Variants in IQSEC1 observed in about 807,000 individuals in gnomAD.
The protein encoded by IQSEC1 is IQ motif and Sec7 domain ArfGEF 1.
Under a neutral mutation model 91.0 loss-of-function variants are expected in IQSEC1, and 31 were observed. That is an observed-to-expected ratio of 0.34 (90% CI 0.26 to 0.46). IQSEC1 has a LOEUF of 0.46. IQSEC1 is among the 20% of genes least tolerant of loss of function. The pLI, the probability that IQSEC1 is intolerant of heterozygous loss-of-function variation, is 1.00. For synonymous variants in IQSEC1, 699 were observed against 662.6 expected, an observed-to-expected ratio of 1.05 and a Z score of -0.84; for missense variants, 1,388 against 1,575.6, an observed-to-expected ratio of 0.88 and a Z score of 2.02.
rs376181385 is a variant in IQSEC1 at position 13,020,250 on chromosome 3, TGGGGCA to T, written c.23+52736_23+52741del. ...CACCCAGGAGGTCTATCCCGGGGTC[TGGGGCA>T]GGGGCAGGGGCAGGGGCAGGCAGCC... On this transcript the variant is annotated intron_variant, in intron 1 of 13. Transcript: ENST00000613206. Among the ~76,000 whole-genome samples, 324 of 152,244 alleles carry T rather than the reference TGGGGCA, an allele frequency of 2.1e-3. 2 individuals are homozygous for T. The highest frequency in any genetic ancestry group is 7.1e-3 in the African/African-American group (294 of 41,552).
chr3:12,937,706 C>A (rs1224784656), intron 2 of IQSEC1, among the ~76,000 whole-genome samples: 1 of 152,200 alleles, frequency 6.6e-6, no homozygotes, highest in Non-Finnish European at 1.5e-5. Flanking sequence ...ACATGCCAAG[C>A]ACGGGGGCAG....
intron 1 of IQSEC1, among the ~76,000 whole-genome samples, chr3:13,277,738 T>A (rs754922474): frequency 2.6e-4 from 40 of 152,248 alleles, no homozygotes; most frequent in Non-Finnish European, 5.1e-4. Flanking sequence ...CATGACACAG[T>A]ATCTCCCTCT....
At chr3:13,039,699 T>C (rs1345702011) in intron 1 of IQSEC1, among the ~76,000 whole-genome samples, 1 of 152,204 alleles carries the variant, frequency 6.6e-6, no homozygotes, top group Non-Finnish European at 1.5e-5. Context: ...AAGTGACTTT[T>C]CTAAGCTCCC....
At chr3:12,991,901 C>T (rs1576127592) in intron 1 of IQSEC1, among the ~76,000 whole-genome samples, 1 of 150,332 alleles carries the variant, frequency 6.7e-6, no homozygotes, top group East Asian at 1.9e-4. Flanking sequence ...GCAGGTTGGT[C>T]AGAGCAGCGG....
Position 12,935,756 on chromosome 3 carries a change from C to T in IQSEC1, c.1260G>A (p.Glu420=). 6.2e-7 allele frequency: 1 copy of T among 1,609,310 alleles called. No homozygotes were observed. Among genetic ancestry groups the T allele is most frequent in the East Asian group, 2.2e-5 (1 of 44,806 alleles). The part of the protein sequence containing the change: ...SGAPKSLPRE[E]PELRPRPPRP... ...TGGGGGGCCGGGGCCGCAACTCAGG[C>T]TCCTCCCGGGGGAGGCTCTTGGGGG... The change falls in exon 3 of 14, where the codon GAG becomes GAA. Residue 420 remains glutamate (E), a synonymous_variant. Coordinates refer to ENST00000613206, the MANE Select transcript of IQSEC1 (RefSeq NM_001134382.3). The surrounding 1 kb of genome is among the most constrained non-coding windows in gnomAD (Gnocchi z 8.0).
At chr3:12,951,461 T>TAAA (rs2125420109) in intron 1 of IQSEC1, among the ~76,000 whole-genome samples, 2 of 151,086 alleles carry the variant, frequency 1.3e-5, no homozygotes, top group African/African-American at 4.9e-5. Flanking sequence ...AAAAAAAAAT[T>TAAA]AGAATAAAAG....
At chr3:13,270,853 G>A (rs776004419) in intron 1 of IQSEC1, among the ~76,000 whole-genome samples, 1 of 152,068 alleles carries the variant, frequency 6.6e-6, no homozygotes, top group Non-Finnish European at 1.5e-5. Flanking sequence ...CTGGTAGAAT[G>A]GATAATAGAA....
chr3:12,924,108 C>T lies in IQSEC1; in HGVS notation c.1730+473G>A, dbSNP rs1031923091. Among the ~76,000 whole-genome samples the T allele has an allele frequency of 6.6e-5, 10 of 152,176 alleles. No homozygotes were observed. The highest frequency in any genetic ancestry group is 2.4e-4 in the African/African-American group (10 of 41,448). Reference sequence around the variant, plus strand: ...GGTCACTTGATCTGACTCCCCACCACTCTCCCCAGGGGTGAGTCAGGAGCA... The same window carrying T: ...GGTCACTTGATCTGACTCCCCACCATTCTCCCCAGGGGTGAGTCAGGAGCA... On this transcript the variant is annotated intron_variant, in intron 4 of 13. Transcript: ENST00000613206. The surrounding 1 kb of genome is among the most constrained non-coding windows in gnomAD (Gnocchi z 6.3).
chr3:13,133,129 C>T (rs1706649456), intron 2 of IQSEC1, among the ~76,000 whole-genome samples: 1 of 152,218 alleles, frequency 6.6e-6, no homozygotes. Flanking sequence ...CTAGAGGGGC[C>T]ATTCCCATCA....
At chr3:13,122,451 C>G (rs1027885378) in intron 2 of IQSEC1, among the ~76,000 whole-genome samples, 1 of 151,268 alleles carries the variant, frequency 6.6e-6, no homozygotes, top group African/African-American at 2.4e-5. Context: ...TTAGGTCCCT[C>G]TGGCTGTTCA....
intron 2 of IQSEC1, among the ~76,000 whole-genome samples, chr3:13,151,102 G>A (rs1482312858): frequency 1.3e-5 from 2 of 152,204 alleles, no homozygotes; most frequent in East Asian, 1.9e-4. Flanking sequence ...TATCTCAGAA[G>A]TCGACACAAA....
rs944818415 is a variant in IQSEC1 at position 12,901,046 on chromosome 3, G to C, written c.3282C>G (p.Pro1094=). The change falls in exon 14 of 14, where the codon CCC becomes CCG. Residue 1094 remains proline, a synonymous_variant. Transcript: ENST00000613206. ...TGCTGGTGGGGGGCGGCGGGGCAGG[G>C]GGCTGCCCATGGTGGTGCACTGTGT... The part of the protein sequence containing the change: ...VGHTVHHHGQ[P]PAPPPPTSSK... 2 of 1,542,510 alleles carry C rather than the reference G, an allele frequency of 1.3e-6. No individual in the cohort carries two copies. Among genetic ancestry groups the C allele is most frequent in the East Asian group, 2.4e-5 (1 of 40,900 alleles).
At chr3:13,012,430 A>C (rs776799674) in intron 1 of IQSEC1, among the ~76,000 whole-genome samples, 8 of 152,226 alleles carry the variant, frequency 5.3e-5, no homozygotes, top group Non-Finnish European at 1.0e-4. Flanking sequence ...CAGGCCTCAG[A>C]GCTCACCCCC....
intron 2 of IQSEC1, among the ~76,000 whole-genome samples, chr3:13,142,749 T>A (rs562599702): frequency 2.0e-5 from 3 of 152,348 alleles, no homozygotes; most frequent in Non-Finnish European, 2.9e-5. Context: ...TTGCAGCACA[T>A]CCAGGCCCAT....
At chr3:13,246,870 G>T (rs1413224804) in intron 1 of IQSEC1, among the ~76,000 whole-genome samples, 1 of 152,132 alleles carries the variant, frequency 6.6e-6, no homozygotes, top group Non-Finnish European at 1.5e-5. Flanking sequence ...ACACAGCTGG[G>T]GCCCCACCCA....
intron 1 of IQSEC1, among the ~76,000 whole-genome samples, chr3:13,175,794 T>C (rs1042126031): frequency 3.9e-5 from 6 of 152,208 alleles, no homozygotes; most frequent in Admixed American, 3.3e-4. Flanking sequence ...TGTCCTCATA[T>C]GGTGGAAGAG....
rs201249394 is a variant in IQSEC1 at position 12,903,798 on chromosome 3, T to A, written c.2756-976A>T. Among the ~76,000 whole-genome samples, 13 of 152,186 alleles carry A rather than the reference T, an allele frequency of 8.5e-5. No homozygotes were observed. In the East Asian group the frequency reaches 2.5e-3, roughly 29 times the overall value. ...AGAAACAGTCCTCCCCACTTGACAC[T>A]CTAGAAGCTTCCATCTGGGCAGCAT... On this transcript the variant is annotated intron_variant, in intron 12 of 13. Coordinates refer to ENST00000613206, the MANE Select transcript of IQSEC1 (RefSeq NM_001134382.3).
intron 1 of IQSEC1, among the ~76,000 whole-genome samples, chr3:13,208,510 C>G (rs2125059746): frequency 6.6e-6 from 1 of 152,270 alleles, no homozygotes; most frequent in East Asian, 1.9e-4. Context: ...CCAGGGACAC[C>G]TCCTTTTATC....
chr3:12,991,643 C>T lies in IQSEC1; in HGVS notation c.24-49778G>A, dbSNP rs566614099. Reference sequence around the variant, plus strand: ...AGCACAAAGGCAGCTCCAGCTTGCACAGCCCAGTGATGGGCAGCTTCCTAC... The same window carrying T: ...AGCACAAAGGCAGCTCCAGCTTGCATAGCCCAGTGATGGGCAGCTTCCTAC... On this transcript the variant is annotated intron_variant, in intron 1 of 13. Coordinates refer to ENST00000613206, the MANE Select transcript of IQSEC1 (RefSeq NM_001134382.3). Among the ~76,000 whole-genome samples the T allele has an allele frequency of 1.5e-4, 23 of 152,366 alleles. No homozygotes were observed. In the South Asian group the frequency reaches 4.6e-3, roughly 30 times the overall value.
Sources: gnomAD v4.1 joint callset for allele counts (sites outside exome capture counted in the v4.1 genomes callset) on GRCh38, gnomAD v4.1.1 for gene constraint, Gnocchi (gnomAD v3.1) non-coding constraint, MANE v1.5 for transcripts, NCBI Gene and HGNC (gene_info 2026-07-23, HGNC 2026-07-21) for gene names.